MALRD1: variants seen among roughly 807,000 people sequenced by gnomAD.
MALRD1 encodes the protein MAM and LDL receptor class A domain containing 1.
In MALRD1, 247 loss-of-function variants were observed where a neutral mutation model predicts 242.1. That is an observed-to-expected ratio of 1.02 (90% CI 0.92 to 1.13). The LOEUF is 1.13. Ranked by LOEUF, MALRD1 falls within the 50% of genes most tolerant of loss-of-function variation. The pLI is 0.00. For synonymous variants in MALRD1, 995 were observed against 866.6 expected (o/e 1.15, Z -2.60); for missense variants, 2,989 against 2,533.1 (o/e 1.18, Z -3.86).
At chr10:19,228,944 GC>G (rs1297536510) in intron 18 of MALRD1, among the ~76,000 whole-genome samples, 1 of 150,836 alleles carries the variant, frequency 6.6e-6, no homozygotes, top group East Asian at 2.0e-4. Flanking sequence ...TATTTACTCA[GC>G]CCCCCCAAAA....
intron 32 of MALRD1, among the ~76,000 whole-genome samples, chr10:19,531,772 T>G (rs781124971): frequency 2.0e-5 from 3 of 152,210 alleles, no homozygotes; most frequent in Middle Eastern, 3.2e-3. Context: ...CAGCTCACAG[T>G]AAAATCAACA....
intron 29 of MALRD1, among the ~76,000 whole-genome samples, chr10:19,468,565 C>A (rs1352861996): frequency 1.3e-5 from 2 of 151,800 alleles, no homozygotes; most frequent in South Asian, 2.1e-4. Context: ...TATTAAATAT[C>A]ATAAGCACAT....
chr10:19,288,541 A>C (rs1321685634), intron 21 of MALRD1, among the ~76,000 whole-genome samples: 1 of 151,850 alleles, frequency 6.6e-6, no homozygotes, highest in African/African-American at 2.4e-5. Context: ...TCACATATAC[A>C]TGGTAATAAT....
intron 22 of MALRD1, among the ~76,000 whole-genome samples, chr10:19,326,085 A>G (rs561919509): frequency 2.6e-5 from 4 of 152,150 alleles, no homozygotes; most frequent in Non-Finnish European, 5.9e-5. Flanking sequence ...GTTAAAAAGT[A>G]TATTTGTGTG....
At chr10:19,556,776 A>G (rs1275074019) in intron 32 of MALRD1, among the ~76,000 whole-genome samples, 1 of 152,148 alleles carries the variant, frequency 6.6e-6, no homozygotes, top group Non-Finnish European at 1.5e-5. Context: ...GTGAATATCA[A>G]GTAGTACAGT....
chr10:19,428,010 G>A (rs1833965826), intron 28 of MALRD1, among the ~76,000 whole-genome samples: 2 of 152,068 alleles, frequency 1.3e-5, no homozygotes, highest in Non-Finnish European at 2.9e-5. Flanking sequence ...AGCATCAAGA[G>A]CTGTAAATAC....
At chr10:19,267,051 C>A (rs370904741) in intron 19 of MALRD1, among the ~76,000 whole-genome samples, 1 of 152,140 alleles carries the variant, frequency 6.6e-6, no homozygotes, top group South Asian at 2.1e-4. Context: ...ACATATATGA[C>A]AGGAATTTTC....
In MALRD1 at chr10:19,669,080, C is replaced by A. The variant is rs182803684; in HGVS notation, c.6138-23202C>A. 3.9e-3 allele frequency among the ~76,000 whole-genome samples: 596 copies of A among 152,244 alleles called. 2 individuals are homozygous for A. Among genetic ancestry groups the A allele is most frequent in the African/African-American group, 0.014 (569 of 41,544 alleles). On this transcript the variant is annotated intron_variant, in intron 36 of 39. Coordinates refer to ENST00000454679, the MANE Select transcript of MALRD1 (RefSeq NM_001142308.3). ...ATGTAACTGTCCACATAAAAAGATTCATGAATACTGAAAGAATCACCGGAA... is the reference window on the plus strand; with the variant it reads ...ATGTAACTGTCCACATAAAAAGATTAATGAATACTGAAAGAATCACCGGAA...
In MALRD1 at chr10:19,389,449, T is replaced by C. The variant is rs1233145899; in HGVS notation, c.4688-3T>C. ...CTTCTCTGAATTCTGTCCTTGTTCC[T>C]AGGGCACTTCATGTATCTGGAAGCT... is the stretch of plus-strand genomic sequence containing the variant. On this transcript the variant is annotated splice_polypyrimidine_tract_variant and splice_region_variant and intron_variant, in intron 27 of 39. Transcript: ENST00000454679. 6.5e-7 allele frequency: 1 copy of C among 1,549,966 alleles called. No individual in the cohort carries two copies. Among genetic ancestry groups the C allele is most frequent in the Non-Finnish European group, 8.7e-7 (1 of 1,146,708 alleles).
intron 28 of MALRD1, among the ~76,000 whole-genome samples, chr10:19,431,782 A>T (rs2486054): frequency 0.62 from 93,912 of 151,916 alleles, 29,229 homozygotes; most frequent in Middle Eastern, 0.7. Context: ...ATGTCCAATA[A>T]TTTTGCCATA....
intron 38 of MALRD1, among the ~76,000 whole-genome samples, chr10:19,706,943 C>A (rs138025401): frequency 2.0e-3 from 308 of 152,218 alleles, no homozygotes; most frequent in Non-Finnish European, 3.7e-3. Flanking sequence ...GTCAGCATAC[C>A]TTTACACTGA....
chr10:19,670,116 A>T (rs1046791922), intron 36 of MALRD1, among the ~76,000 whole-genome samples: 3 of 151,986 alleles, frequency 2.0e-5, no homozygotes, highest in African/African-American at 7.3e-5. Context: ...ACACATAGTT[A>T]TAACCTTAAA....
At chr10:19,266,304 C>G (rs1429993094) in intron 19 of MALRD1, among the ~76,000 whole-genome samples, 1 of 151,746 alleles carries the variant, frequency 6.6e-6, no homozygotes, top group Non-Finnish European at 1.5e-5. Context: ...TTCTCTCTTG[C>G]TATCTTCCAT....
chr10:19,354,168 T>C (rs2131005652), intron 26 of MALRD1, among the ~76,000 whole-genome samples: 1 of 152,272 alleles, frequency 6.6e-6, no homozygotes, highest in East Asian at 1.9e-4. Flanking sequence ...GGTCATATTT[T>C]AGGAAATCTG....
intron 12 of MALRD1, among the ~76,000 whole-genome samples, chr10:19,160,910 C>A (rs375895583): frequency 6.8e-6 from 1 of 147,980 alleles, no homozygotes; most frequent in Non-Finnish European, 1.5e-5. Context: ...TTTCAAAAAA[C>A]CAGCTCCTGG....
chr10:19,540,991 T>C (rs1245820927), intron 32 of MALRD1, among the ~76,000 whole-genome samples: 4 of 152,086 alleles, frequency 2.6e-5, no homozygotes, highest in Non-Finnish European at 5.9e-5. Flanking sequence ...ATGAAACTAA[T>C]TAAGTGGGTA....
At chr10:19,066,676 C>G in intron 1 of MALRD1, 43 bp from the exon 2 acceptor site, 1 of 1,226,428 alleles carries the variant, frequency 8.2e-7, no homozygotes, top group Non-Finnish European at 1.0e-6. Context: ...TTTTAAAAAG[C>G]TAAACACAGT....
At chr10:19,148,727 T>A (rs1457368364) in intron 11 of MALRD1, among the ~76,000 whole-genome samples, 1 of 144,778 alleles carries the variant, frequency 6.9e-6, no homozygotes, top group African/African-American at 2.6e-5. Flanking sequence ...TCACCCAGAG[T>A]GTGAGGGACA....
At chr10:19,298,181 A>G (rs1027683099) in intron 21 of MALRD1, among the ~76,000 whole-genome samples, 1 of 152,020 alleles carries the variant, frequency 6.6e-6, no homozygotes, top group Non-Finnish European at 1.5e-5. Context: ...AAATGGGCAC[A>G]TGGGAAGAAG....
Sources: gnomAD v4.1 joint callset for allele counts (sites outside exome capture counted in the v4.1 genomes callset) on GRCh38, gnomAD v4.1.1 for gene constraint, MANE v1.5 for transcripts, NCBI Gene and HGNC (gene_info 2026-07-23, HGNC 2026-07-21) for gene names.